Variants in TCF4 observed in about 807,000 individuals in gnomAD.
TCF4 encodes the protein transcription factor 4, also known as SL3-3 enhancer factor 2.
TCF4 carries 3 observed loss-of-function variants against 82.1 expected under a neutral mutation model. The observed-to-expected ratio is 0.04, with a 90% CI of 0.02 to 0.09. The LOEUF is 0.09. Among genes scored for constraint, TCF4 ranks in the 10% least tolerant of loss-of-function variants. The probability of loss-of-function intolerance (pLI) is 1.00; values close to 1 mark genes in which losing one functional copy is unlikely to be tolerated. For missense variants in TCF4, 518 were observed against 852.7 expected, an observed-to-expected ratio of 0.61 and a Z score of 4.89; for synonymous variants, 276 against 309.6, an observed-to-expected ratio of 0.89 and a Z score of 1.14.
intron 8 of TCF4, among the ~76,000 whole-genome samples, chr18:55,320,343 A>C (rs925854263): frequency 6.6e-6 from 1 of 152,238 alleles, no homozygotes; most frequent in African/African-American, 2.4e-5. Context: ...TTTAAAAAAG[A>C]TAAAAATAGG....
chr18:55,383,047 C>A (rs541903882), intron 6 of TCF4, among the ~76,000 whole-genome samples: 1 of 152,322 alleles, frequency 6.6e-6, no homozygotes, highest in East Asian at 1.9e-4. Context: ...CTGCTGAATT[C>A]ATCTATTATA....
intron 11 of TCF4, chr18:55,267,881 A>G (rs1034681547): frequency 2.6e-5 from 4 of 152,242 alleles, no homozygotes; most frequent in East Asian, 3.9e-4. Context: ...ATAAGGCCCT[A>G]TGGTTTTTAA....
chr18:55,283,260 C>G (rs557719370), intron 8 of TCF4, among the ~76,000 whole-genome samples: 7 of 150,968 alleles, frequency 4.6e-5, no homozygotes, highest in Admixed American at 6.6e-5. Flanking sequence ...ATGTTTCCAA[C>G]TATTATTTCT....
intron 10 of TCF4, 83 bp from the exon 11 acceptor site, chr18:55,270,046 C>T: frequency 1.9e-6 from 3 of 1,554,188 alleles, no homozygotes; most frequent in South Asian, 1.1e-5. Flanking sequence ...TCTCACAACT[C>T]TCTATTTTAC....
At chr18:55,382,088 T>G (rs948830552) in intron 6 of TCF4, among the ~76,000 whole-genome samples, 5 of 152,176 alleles carry the variant, frequency 3.3e-5, no homozygotes, top group African/African-American at 7.2e-5. Context: ...GAGAAAAATT[T>G]GATAAAAGCT....
At chr18:55,372,275 T>G (rs1416030464) in intron 6 of TCF4, among the ~76,000 whole-genome samples, 1 of 151,950 alleles carries the variant, frequency 6.6e-6, no homozygotes, top group Non-Finnish European at 1.5e-5. Context: ...TAGATGGATT[T>G]GCTCTACAGA....
At chr18:55,422,892 T>G (rs1333756408) in intron 5 of TCF4, among the ~76,000 whole-genome samples, 1 of 152,028 alleles carries the variant, frequency 6.6e-6, no homozygotes, top group African/African-American at 2.4e-5. Flanking sequence ...CTCCGATGCA[T>G]AATTAGCCAT....
At chr18:55,535,788 G>C (rs1395705629) in intron 3 of TCF4, among the ~76,000 whole-genome samples, 1 of 152,118 alleles carries the variant, frequency 6.6e-6, no homozygotes, top group Non-Finnish European at 1.5e-5. Flanking sequence ...TCAGTTCAAG[G>C]CATTCTATGA....
At chr18:55,288,503 G>T (rs1266530902) in intron 8 of TCF4, among the ~76,000 whole-genome samples, 1 of 152,168 alleles carries the variant, frequency 6.6e-6, no homozygotes, top group African/African-American at 2.4e-5. Context: ...TGGAGTTTGA[G>T]TTTTTAAGTA....
At chr18:55,247,722 C>T (rs1341532806) in intron 15 of TCF4, among the ~76,000 whole-genome samples, 1 of 152,112 alleles carries the variant, frequency 6.6e-6, no homozygotes, top group Non-Finnish European at 1.5e-5. Flanking sequence ...ACAGGGAGTC[C>T]AAACTTTTTT....
At chr18:55,626,097 T>C (rs1355701086) in intron 2 of TCF4, among the ~76,000 whole-genome samples, 1 of 152,232 alleles carries the variant, frequency 6.6e-6, no homozygotes, top group African/African-American at 2.4e-5. Flanking sequence ...TTGTACTATT[T>C]TATGGTGCAC....
intron 5 of TCF4, chr18:55,422,487 T>A: frequency 1.0e-6 from 1 of 974,398 alleles, no homozygotes; most frequent in Non-Finnish European, 1.2e-6. Flanking sequence ...AAAAGTACTT[T>A]CCTATTATTA....
intron 11 of TCF4, among the ~76,000 whole-genome samples, chr18:55,262,508 A>G (rs1000608588): frequency 1.3e-5 from 2 of 152,282 alleles, no homozygotes; most frequent in Non-Finnish European, 2.9e-5. Flanking sequence ...GTTTTTCACT[A>G]TTTTGTGAAA....
chr18:55,591,789 T>C (rs1004800096), upstream of TCF4, among the ~76,000 whole-genome samples: 4 of 152,198 alleles, frequency 2.6e-5, no homozygotes, highest in Admixed American at 1.3e-4. Context: ...AGTACTGGAA[T>C]TACAGGTGTG....
At chr18:55,334,037 C>A (rs980836059) in intron 8 of TCF4, among the ~76,000 whole-genome samples, 23 of 151,202 alleles carry the variant, frequency 1.5e-4, no homozygotes, top group Middle Eastern at 3.4e-3. Flanking sequence ...ATTTTTTTTT[C>A]TCTGATTTTT....
chr18:55,530,393 G>A (rs2097046849), intron 3 of TCF4, among the ~76,000 whole-genome samples: 1 of 152,102 alleles, frequency 6.6e-6, no homozygotes, highest in Non-Finnish European at 1.5e-5. Context: ...TGGTAAGAAA[G>A]CTATGGAGGA....
At chr18:55,520,567 A>G (rs1603618652) in intron 3 of TCF4, among the ~76,000 whole-genome samples, 1 of 152,202 alleles carries the variant, frequency 6.6e-6, no homozygotes, top group East Asian at 1.9e-4. Context: ...ATATGAGACT[A>G]TCACATTATG....
intron 3 of TCF4, among the ~76,000 whole-genome samples, chr18:55,541,106 C>T (rs1434259526): frequency 6.6e-6 from 1 of 151,962 alleles, no homozygotes; most frequent in Non-Finnish European, 1.5e-5. Context: ...GTGTAAAGAT[C>T]TCTCTTGCCT....
intron 11 of TCF4, among the ~76,000 whole-genome samples, chr18:55,262,693 G>C (rs901764291): frequency 6.6e-6 from 1 of 152,178 alleles, no homozygotes; most frequent in African/African-American, 2.4e-5. Context: ...CGGATCTTCA[G>C]TGGTCCAATT....
Sources: gnomAD v4.1 joint callset for allele counts (sites outside exome capture counted in the v4.1 genomes callset) on GRCh38, gnomAD v4.1.1 for gene constraint, MANE v1.5 for transcripts, NCBI Gene and HGNC (gene_info 2026-07-23, HGNC 2026-07-21) for gene names.